Variants in SPTBN1 observed in about 807,000 individuals in gnomAD.
SPTBN1 encodes spectrin beta chain, non-erythrocytic 1.
SPTBN1 carries 32 observed loss-of-function variants against 266.4 expected under a neutral mutation model. The ratio of observed to expected loss-of-function variants is 0.12; its 90% CI spans 0.09 to 0.16. The LOEUF (loss-of-function observed/expected upper bound fraction) is 0.16. SPTBN1 is among the 10% of genes least tolerant of loss of function. The probability of loss-of-function intolerance (pLI) is 1.00; values close to 1 mark genes in which losing one functional copy is unlikely to be tolerated. For missense variants in SPTBN1, 2,296 were observed against 3,067.1 expected (o/e 0.75, Z 5.94); for synonymous variants, 1,336 against 1,162.2 (o/e 1.15, Z -3.04).
chr2:54,605,251 G>C (rs1281373499), intron 3 of SPTBN1, among the ~76,000 whole-genome samples: 2 of 152,190 alleles, frequency 1.3e-5, no homozygotes, highest in Non-Finnish European at 2.9e-5. Context: ...CCAGCCACCA[G>C]ATGGGAACCG....
chr2:54,554,727 C>T lies in SPTBN1; in HGVS notation c.148+28161C>T, dbSNP rs549978867. On this transcript the variant is annotated intron_variant, in intron 2 of 35. Transcript: ENST00000356805. The surrounding 1 kb of genome is among the most constrained non-coding windows in gnomAD (Gnocchi z 4.5). The stretch of plus-strand genomic sequence containing the variant: ...TGACTCTGGACTTGAGTCTTTCCAC[C>T]AGCCCACAGCACTTTTGATCTGTTC... Among the ~76,000 whole-genome samples, 24 of 152,102 alleles carry T rather than the reference C, an allele frequency of 1.6e-4. No homozygotes were observed. Among genetic ancestry groups the T allele is most frequent in the Non-Finnish European group, 1.0e-4 (7 of 68,000 alleles).
Position 54,645,855 on chromosome 2 carries a change from C to T in SPTBN1, c.4495-73C>T. 1.3e-6 allele frequency: 2 copies of T among 1,524,102 alleles called. No homozygotes were observed. The highest frequency in any genetic ancestry group is 1.8e-6 in the Non-Finnish European group (2 of 1,101,918). 94.4% of individuals were successfully genotyped at this position (1,524,102 alleles called of 1,614,324 possible). ...GCTCACCCTTGCTGTCCCTCACTGCCCCTCACTGCTCGTTTGTGTCGTATA... is the reference window on the plus strand; with the variant it reads ...GCTCACCCTTGCTGTCCCTCACTGCTCCTCACTGCTCGTTTGTGTCGTATA... On this transcript the variant is annotated intron_variant, in intron 21 of 35. Transcript: ENST00000356805. This position sits in a 1 kb window ranked among gnomAD's most constrained non-coding sequence, Gnocchi z 4.3.
intron 1 of SPTBN1, among the ~76,000 whole-genome samples, chr2:54,518,454 T>A (rs199676030): frequency 7.0e-6 from 1 of 143,710 alleles, no homozygotes; most frequent in Non-Finnish European, 1.5e-5. Flanking sequence ...AAAGTATAAT[T>A]AAAAAAAAAA....
intron 1 of SPTBN1, among the ~76,000 whole-genome samples, chr2:54,512,928 G>A (rs1170502587): frequency 2.0e-5 from 3 of 152,238 alleles, no homozygotes; most frequent in Non-Finnish European, 2.9e-5. Flanking sequence ...GCTGGGCACG[G>A]TGGCTTAGGC....
At chr2:54,459,671 A>G (rs1308952740) in intron 1 of SPTBN1, among the ~76,000 whole-genome samples, 4 of 152,174 alleles carry the variant, frequency 2.6e-5, no homozygotes, top group Non-Finnish European at 4.4e-5. Flanking sequence ...TCTTCATTAT[A>G]ATTGGGCTTT....
At position 54,631,497 on chromosome 2, in the gene SPTBN1, A is replaced by G. The variant is rs758096623; in HGVS notation, c.3450A>G (p.Gly1150=). The change falls in exon 16 of 36, where the codon GGA becomes GGG. Residue 1150 remains glycine, a synonymous_variant. Coordinates refer to ENST00000356805, the MANE Select transcript of SPTBN1 (RefSeq NM_003128.3). ...AGCGGCTGCAGGCCCTGGACACTGG[A>G]TGGAACGAGCTCCACAAGATGTGGG... ...LRQRLQALDT[G]WNELHKMWEN... 1 of 1,614,102 alleles carries G rather than the reference A, an allele frequency of 6.2e-7. No homozygotes were observed. The highest frequency in any genetic ancestry group is 1.3e-5 in the African/African-American group (1 of 74,950).
At chr2:54,477,372 C>T (rs902905452) in intron 1 of SPTBN1, among the ~76,000 whole-genome samples, 1 of 151,536 alleles carries the variant, frequency 6.6e-6, no homozygotes, top group Non-Finnish European at 1.5e-5. Context: ...CTCTCTAACT[C>T]CCCAGACTTT....
chr2:54,515,367 C>T (rs1447978601), intron 1 of SPTBN1, among the ~76,000 whole-genome samples: 2 of 152,134 alleles, frequency 1.3e-5, no homozygotes, highest in African/African-American at 4.8e-5. Context: ...TTGCAATTCC[C>T]CTGTCTTGAT....
intron 2 of SPTBN1, among the ~76,000 whole-genome samples, chr2:54,585,410 C>T (rs765205830): frequency 7.2e-6 from 1 of 138,514 alleles, no homozygotes. Context: ...ATTTTTTCCT[C>T]CAGTTTTTCT....
At chr2:54,651,220 A>G (rs748454043) in intron 26 of SPTBN1, among the ~76,000 whole-genome samples, 25 of 152,228 alleles carry the variant, frequency 1.6e-4, no homozygotes, top group Admixed American at 6.5e-4. Context: ...AAGACACTTG[A>G]GAGACAGTGG....
chr2:54,662,228 T>G, intron 32 of SPTBN1: 1 of 985,444 alleles, frequency 1.0e-6, no homozygotes, highest in Non-Finnish European at 1.2e-6. Context: ...TGTGATTGCT[T>G]TTGATGTGTG....
At chr2:54,556,030 G>T (rs190616982) in intron 2 of SPTBN1, among the ~76,000 whole-genome samples, 5 of 152,300 alleles carry the variant, frequency 3.3e-5, no homozygotes, top group Non-Finnish European at 7.4e-5. Flanking sequence ...AACACTCCTG[G>T]TCACTTCTGA....
At chr2:54,498,827 G>T (rs1181929062) in intron 1 of SPTBN1, among the ~76,000 whole-genome samples, 1 of 152,194 alleles carries the variant, frequency 6.6e-6, no homozygotes, top group East Asian at 1.9e-4. Flanking sequence ...TTGGGTGCTG[G>T]AGATACATGT....
chr2:54,561,940 TAAG>T (rs1302498710), intron 2 of SPTBN1, among the ~76,000 whole-genome samples: 5 of 150,768 alleles, frequency 3.3e-5, no homozygotes, highest in African/African-American at 9.7e-5. Flanking sequence ...CCTCCTGGCA[TAAG>T]AAGACAAGCC....
Position 54,659,962 on chromosome 2 carries a change from C to T in SPTBN1, c.6383C>T (p.Ser2128Phe). The T allele has an allele frequency of 9.9e-6, 16 of 1,614,148 alleles. No individual in the cohort carries two copies. The highest frequency in any genetic ancestry group is 1.6e-4 in the Middle Eastern group (1 of 6,062). Residue 2128 changes from serine (S) to phenylalanine (F), a missense_variant, in exon 32 of 36, where the codon TCC becomes TTC. Around this residue, in one of 12 missense-constraint regions of SPTBN1, gnomAD observed 347 missense variants for 368.5 expected, o/e 0.94. Coordinates refer to ENST00000356805, the MANE Select transcript of SPTBN1 (RefSeq NM_003128.3). Reference sequence around the variant, plus strand: ...GATACTTCAAAAGGAGAACAAGTTTCCCAAAACGGTTTGCCAGCTGAACAG... The same window carrying T: ...GATACTTCAAAAGGAGAACAAGTTTTCCAAAACGGTTTGCCAGCTGAACAG... ...QWDTSKGEQV[S>F]QNGLPAEQGS...
chr2:54,667,408 A>T lies in SPTBN1; in HGVS notation c.6834-196A>T, dbSNP rs1402725169. 5.9e-5 allele frequency among the ~76,000 whole-genome samples: 9 copies of T among 152,070 alleles called. No individual in the cohort carries two copies. The South Asian group carries it at 1.9e-3, about 32-fold the overall frequency. On this transcript the variant is annotated intron_variant, in intron 34 of 35. Transcript: ENST00000356805. Reference sequence around the variant, plus strand: ...GCTCCCTGTGTGTATCATTGGCGCGATTATATGGCTTCTTGATCTCCAGGG... The same window carrying T: ...GCTCCCTGTGTGTATCATTGGCGCGTTTATATGGCTTCTTGATCTCCAGGG...
chr2:54,517,358 AAT>A (rs1343158387), intron 1 of SPTBN1, among the ~76,000 whole-genome samples: 2 of 152,122 alleles, frequency 1.3e-5, no homozygotes, highest in African/African-American at 4.8e-5. Flanking sequence ...GAGATACAAC[AAT>A]ATTTCATAAT....
intron 2 of SPTBN1, among the ~76,000 whole-genome samples, chr2:54,572,213 TC>T (rs1674135455): frequency 1.3e-5 from 2 of 152,102 alleles, no homozygotes; most frequent in African/African-American, 2.4e-5. Flanking sequence ...ATTGTCTTTT[TC>T]CCCCCTTTCT....
chr2:54,650,259 G>C (rs1680184998), intron 26 of SPTBN1, among the ~76,000 whole-genome samples: 1 of 152,180 alleles, frequency 6.6e-6, no homozygotes, highest in South Asian at 2.1e-4. Flanking sequence ...GCAAGTTATA[G>C]GCCTCAGCAA....
Sources: gnomAD v4.1 joint callset for allele counts (sites outside exome capture counted in the v4.1 genomes callset) on GRCh38, gnomAD v4.1.1 for gene constraint, gnomAD v4.1.1 regional missense constraint, Gnocchi (gnomAD v3.1) non-coding constraint, MANE v1.5 for transcripts, NCBI Gene and HGNC (gene_info 2026-07-23, HGNC 2026-07-21) for gene names.